Variants in TOP6BL observed in about 807,000 individuals in gnomAD.
The protein encoded by TOP6BL is type 2 DNA topoisomerase 6 subunit B-like.
At chr11:66,811,881 T>TCACTTGA in the TOP6BL span, among the ~76,000 whole-genome samples, 10 of 152,164 alleles carry the variant, frequency 6.6e-5, no homozygotes. Flanking sequence ...AATTTGAGGC[T>TCACTTGA]GCAGTGAGCT....
the TOP6BL span, among the ~76,000 whole-genome samples, chr11:66,829,298 C>CGCG: frequency 6.7e-6 from 1 of 148,680 alleles, no homozygotes; most frequent in Non-Finnish European, 1.5e-5. Flanking sequence ...AGATACAGGC[C>CGCG]GCGTGTGGTG....
the TOP6BL span, among the ~76,000 whole-genome samples, chr11:66,802,476 A>T: frequency 6.1e-4 from 92 of 151,630 alleles, no homozygotes; most frequent in Non-Finnish European, 8.1e-4. Context: ...TTTAAAAAAA[A>T]TTTTTTTTTG....
chr11:66,834,259 T>C, the TOP6BL span, among the ~76,000 whole-genome samples: 3 of 152,170 alleles, frequency 2.0e-5, no homozygotes, highest in Admixed American at 2.0e-4. Flanking sequence ...GGCTAGAATT[T>C]GTACCGAGAG....
the TOP6BL span, among the ~76,000 whole-genome samples, chr11:66,802,163 ATT>A: frequency 1.4e-5 from 2 of 144,956 alleles, no homozygotes; most frequent in Non-Finnish European, 3.0e-5. Flanking sequence ...TACGCTGCTA[ATT>A]TTTTTTTTTT....
chr11:66,748,972 T>A, the TOP6BL span, among the ~76,000 whole-genome samples: 1 of 152,120 alleles, frequency 6.6e-6, no homozygotes, highest in Admixed American at 6.5e-5. Context: ...CATTTTTGCC[T>A]GTTGTCTTTG....
the TOP6BL span, chr11:66,744,806 C>T: frequency 5.3e-5 from 67 of 1,259,024 alleles, no homozygotes; most frequent in Non-Finnish European, 6.5e-5. Context: ...GTTCCAAGCC[C>T]GGGCTGAGGA....
the TOP6BL span, chr11:66,838,518 A>C: frequency 1.5e-4 from 212 of 1,389,534 alleles, 2 homozygotes; most frequent in East Asian, 4.8e-3. Context: ...CAAACTTTCA[A>C]ACTATTCCAC....
At chr11:66,812,096 A>G in the TOP6BL span, among the ~76,000 whole-genome samples, 2 of 152,208 alleles carry the variant, frequency 1.3e-5, no homozygotes, top group African/African-American at 2.4e-5. Flanking sequence ...CTATCTTCAT[A>G]TTACAAGTAA....
the TOP6BL span, among the ~76,000 whole-genome samples, chr11:66,791,665 TGCTGTGCACG>T: frequency 6.6e-6 from 1 of 152,324 alleles, no homozygotes; most frequent in South Asian, 2.1e-4. Flanking sequence ...TAGTAGTTTC[TGCTGTGCACG>T]GCTGGCAGCA....
the TOP6BL span, chr11:66,796,255 T>G: frequency 6.6e-7 from 1 of 1,503,900 alleles, no homozygotes; most frequent in Non-Finnish European, 9.2e-7. Flanking sequence ...GTATGTGTGG[T>G]AGGTGTTTTT....
At chr11:66,838,492 G>A in the TOP6BL span, 113 of 1,546,338 alleles carry the variant, frequency 7.3e-5, no homozygotes, top group Non-Finnish European at 8.6e-5. Flanking sequence ...AGCAGAGGAA[G>A]TAAAAAACGT....
At chr11:66,775,256 A>C in the TOP6BL span, among the ~76,000 whole-genome samples, 1 of 151,924 alleles carries the variant, frequency 6.6e-6, no homozygotes, top group African/African-American at 2.4e-5. Context: ...TCATTTATTT[A>C]GATTTTTCTT....
chr11:66,766,351 T>C, the TOP6BL span, among the ~76,000 whole-genome samples: 70 of 152,358 alleles, frequency 4.6e-4, no homozygotes, highest in African/African-American at 1.6e-3. Context: ...TTTCTGTGTA[T>C]TTTATTTATG....
chr11:66,788,573 C>T, the TOP6BL span, among the ~76,000 whole-genome samples: 5 of 152,152 alleles, frequency 3.3e-5, no homozygotes, highest in African/African-American at 1.2e-4. Flanking sequence ...TTTATTTTCT[C>T]ACAGTTCTGG....
chr11:66,817,449 T>C, the TOP6BL span, among the ~76,000 whole-genome samples: 1 of 152,062 alleles, frequency 6.6e-6, no homozygotes, highest in South Asian at 2.1e-4. Flanking sequence ...ATGATGATGA[T>C]GATTTTTGAG....
the TOP6BL span, among the ~76,000 whole-genome samples, chr11:66,796,786 A>G: frequency 1.1e-4 from 14 of 128,168 alleles, no homozygotes; most frequent in South Asian, 2.3e-4. Flanking sequence ...CTGTCTTTGG[A>G]AAAAAAAAAA....
chr11:66,761,560 C>A, the TOP6BL span: 2 of 1,080,046 alleles, frequency 1.9e-6, no homozygotes, highest in South Asian at 3.4e-5. Context: ...CTATGGCTTT[C>A]AGTGTCTGTC....
At chr11:66,748,327 T>C in the TOP6BL span, 1 of 1,391,014 alleles carries the variant, frequency 7.2e-7, no homozygotes, top group Non-Finnish European at 9.8e-7. Context: ...GATGTATTAT[T>C]ACTGTGATTT....
the TOP6BL span, chr11:66,843,054 C>T: frequency 6.4e-7 from 1 of 1,565,208 alleles, no homozygotes; most frequent in Non-Finnish European, 8.6e-7. Flanking sequence ...GGGCGAGCCT[C>T]GGAAGCCGCC....
Sources: gnomAD v4.1 joint callset for allele counts (sites outside exome capture counted in the v4.1 genomes callset) on GRCh38, gnomAD v4.1.1 for gene constraint, MANE v1.5 for transcripts, NCBI Gene and HGNC (gene_info 2026-07-23, HGNC 2026-07-21) for gene names.